Variants in IGSF21 observed in about 807,000 individuals in gnomAD.
IGSF21 encodes immunoglobin superfamily member 21.
A neutral mutation model predicts 46.8 loss-of-function variants in IGSF21; 28 were observed. The ratio of observed to expected loss-of-function variants is 0.60; its 90% CI spans 0.44 to 0.82. The LOEUF (loss-of-function observed/expected upper bound fraction) is 0.82, where lower values mean the gene tolerates loss of function less well. Among genes scored for constraint, IGSF21 ranks in the 40% least tolerant of loss-of-function variants. The pLI is 0.00. For missense variants in IGSF21, 624 were observed against 665.5 expected, an observed-to-expected ratio of 0.94 and a Z score of 0.69; for synonymous variants, 284 against 273.6, an observed-to-expected ratio of 1.04 and a Z score of -0.38.
At chr1:18,255,180 G>C (rs1005556888) in intron 2 of IGSF21, among the ~76,000 whole-genome samples, 1 of 152,182 alleles carries the variant, frequency 6.6e-6, no homozygotes, top group Non-Finnish European at 1.5e-5. Context: ...TACAGAGTGA[G>C]AAACTGAGGC....
intron 2 of IGSF21, among the ~76,000 whole-genome samples, chr1:18,278,531 T>TTTTTG (rs754478135): frequency 7.1e-6 from 1 of 140,786 alleles, no homozygotes; most frequent in Non-Finnish European, 1.5e-5. Context: ...GTAAGGTTTT[T>TTTTTG]TTTGTTTGTT....
chr1:18,241,532 C>G (rs2084727897), intron 2 of IGSF21, among the ~76,000 whole-genome samples: 1 of 152,184 alleles, frequency 6.6e-6, no homozygotes, highest in Admixed American at 6.5e-5. Context: ...AAGTTCAGCT[C>G]TTTCTGTTAG....
chr1:18,378,184 C>T (rs1054227052), intron 9 of IGSF21, 72 bp from the exon 10 acceptor site: 3 of 1,271,994 alleles, frequency 2.4e-6, no homozygotes, highest in African/African-American at 3.0e-5. Context: ...TTGTTGGGGA[C>T]CTGGAGGCTC....
intron 6 of IGSF21, among the ~76,000 whole-genome samples, chr1:18,373,500 A>G (rs148546626): frequency 6.6e-6 from 1 of 152,250 alleles, no homozygotes; most frequent in African/African-American, 2.4e-5. Context: ...GCAGTAAAAG[A>G]GGGAGTCAGG....
chr1:18,151,959 C>T (rs914877253), intron 1 of IGSF21, among the ~76,000 whole-genome samples: 5 of 152,116 alleles, frequency 3.3e-5, no homozygotes, highest in South Asian at 2.1e-4. Flanking sequence ...ATTTGGGGCA[C>T]GTGGTCACCC....
At chr1:18,260,263 C>T (rs2084934264) in intron 2 of IGSF21, among the ~76,000 whole-genome samples, 1 of 152,206 alleles carries the variant, frequency 6.6e-6, no homozygotes, top group Non-Finnish European at 1.5e-5. Flanking sequence ...GTGGCTGGTC[C>T]AGGGGCCAAG....
At chr1:18,193,538 G>T (rs2086978400) in intron 1 of IGSF21, among the ~76,000 whole-genome samples, 1 of 152,196 alleles carries the variant, frequency 6.6e-6, no homozygotes, top group Admixed American at 6.5e-5. Flanking sequence ...TCGAGGGCAG[G>T]AAGCATCCAG....
chr1:18,269,730 C>T (rs375199112), intron 2 of IGSF21, among the ~76,000 whole-genome samples: 4 of 152,162 alleles, frequency 2.6e-5, no homozygotes, highest in African/African-American at 9.7e-5. Flanking sequence ...CCTCCAGCAG[C>T]AAGGTGAGCC....
intron 4 of IGSF21, among the ~76,000 whole-genome samples, chr1:18,340,614 C>T (rs921597631): frequency 6.6e-6 from 1 of 152,196 alleles, no homozygotes; most frequent in African/African-American, 2.4e-5. Context: ...TAGCAAATTG[C>T]TGCAAACTGG....
intron 1 of IGSF21, among the ~76,000 whole-genome samples, chr1:18,198,784 A>AC (rs1045858174): frequency 2.0e-5 from 3 of 151,746 alleles, no homozygotes; most frequent in Admixed American, 1.3e-4. Context: ...TTCTGTCACC[A>AC]CCCCCCTGGC....
chr1:18,252,749 C>A (rs2084854686), intron 2 of IGSF21, among the ~76,000 whole-genome samples: 1 of 152,174 alleles, frequency 6.6e-6, no homozygotes, highest in African/African-American at 2.4e-5. Flanking sequence ...GCCTGAGAAA[C>A]AATATACGGG....
chr1:18,281,411 T>C (rs1334153958), intron 2 of IGSF21, among the ~76,000 whole-genome samples: 1 of 151,632 alleles, frequency 6.6e-6, no homozygotes, highest in Non-Finnish European at 1.5e-5. Context: ...AAAAAAAATA[T>C]AAAAACTAGC....
At chr1:18,130,276 C>T (rs147161460) in intron 1 of IGSF21, among the ~76,000 whole-genome samples, 1 of 152,260 alleles carries the variant, frequency 6.6e-6, no homozygotes, top group East Asian at 1.9e-4. Flanking sequence ...TCTCTTTCTC[C>T]CTTGCTTTAG....
intron 1 of IGSF21, among the ~76,000 whole-genome samples, chr1:18,203,803 A>C (rs1450275297): frequency 6.6e-6 from 1 of 152,184 alleles, no homozygotes; most frequent in Non-Finnish European, 1.5e-5. Flanking sequence ...TTTTCCTGTA[A>C]AGAGCTAGAT....
Position 18,376,408 on chromosome 1 carries a change from CTG to C in IGSF21, c.1101+14_1101+15del, listed in dbSNP as rs758732911. The C allele has an allele frequency of 4.6e-5, 73 of 1,599,608 alleles. No homozygotes were observed. In the East Asian group the frequency reaches 1.5e-3, roughly 34 times the overall value. ...CCATGGGTTTCAGGTCAGCCTCTCT[CTG>C]AGCATCTGGGAGGGTGGTGGGAGGT... On this transcript the variant is annotated intron_variant, in intron 7 of 9. Transcript: ENST00000251296.
intron 1 of IGSF21, among the ~76,000 whole-genome samples, chr1:18,213,791 A>C (rs2084416206): frequency 6.6e-6 from 1 of 152,178 alleles, no homozygotes. Context: ...TGGACCCGGA[A>C]TTGGCAGGCC....
intron 1 of IGSF21, among the ~76,000 whole-genome samples, chr1:18,219,515 A>G (rs1212798930): frequency 2.0e-5 from 3 of 151,700 alleles, no homozygotes; most frequent in Non-Finnish European, 2.9e-5. Flanking sequence ...GAGGAAACAA[A>G]TGATGGTGGC....
Position 18,227,765 on chromosome 1 carries a change from G to A in IGSF21, c.71-133G>A, listed in dbSNP as rs143214119. 2.2e-3 allele frequency: 1,442 copies of A among 666,938 alleles called. 13 individuals carry two copies. In the African/African-American group the frequency reaches 0.023, roughly 11 times the overall value. The allele number at this position is 666,938 out of a possible 1,614,324, so 41.3% of individuals were successfully genotyped here. ...TCACAGAAACCACAGTGTGAACAGCGTCCCTCAAAGTTGTGCAACTACAGA... is the reference window on the plus strand; with the variant it reads ...TCACAGAAACCACAGTGTGAACAGCATCCCTCAAAGTTGTGCAACTACAGA... On this transcript the variant is annotated intron_variant, in intron 1 of 9. Coordinates refer to ENST00000251296, the MANE Select transcript of IGSF21 (RefSeq NM_032880.5).
intron 1 of IGSF21, among the ~76,000 whole-genome samples, chr1:18,221,932 T>C (rs2084514712): frequency 6.6e-6 from 1 of 152,144 alleles, no homozygotes; most frequent in African/African-American, 2.4e-5. Context: ...GATACGGGGT[T>C]AGTTGGAGCA....
Sources: allele counts gnomAD v4.1 joint callset (sites outside exome capture counted in the v4.1 genomes callset), GRCh38; gene constraint gnomAD v4.1.1; transcripts MANE v1.5; gene names NCBI Gene and HGNC (gene_info 2026-07-23, HGNC 2026-07-21).